Variants in SEMA3A observed in about 807,000 individuals in gnomAD.
SEMA3A encodes the protein semaphorin 3A.
In SEMA3A, 29 loss-of-function variants were observed where a neutral mutation model predicts 97.9. The observed-to-expected ratio is 0.30, with a 90% confidence interval of 0.22 to 0.40. SEMA3A has a LOEUF of 0.40. SEMA3A is among the 10% of genes least tolerant of loss of function. SEMA3A has a pLI of 1.00. For missense variants in SEMA3A, 763 were observed against 951.3 expected, an observed-to-expected ratio of 0.80 and a Z score of 2.60; for synonymous variants, 321 against 323.7, an observed-to-expected ratio of 0.99 and a Z score of 0.09.
intron 2 of SEMA3A, among the ~76,000 whole-genome samples, chr7:84,348,898 C>G (rs906299312): frequency 1.4e-5 from 2 of 144,632 alleles, no homozygotes; most frequent in African/African-American, 5.0e-5. Context: ...GCAGGAGAAT[C>G]GCTTGAAACC....
chr7:84,239,532 A>T (rs1799311764), intron 3 of SEMA3A, among the ~76,000 whole-genome samples: 1 of 150,712 alleles, frequency 6.6e-6, no homozygotes, highest in Admixed American at 6.6e-5. Context: ...AATTTTTGAG[A>T]GTCTTGTATA....
At chr7:84,268,207 A>G (rs1456284478) in intron 3 of SEMA3A, among the ~76,000 whole-genome samples, 1 of 151,338 alleles carries the variant, frequency 6.6e-6, no homozygotes, top group Non-Finnish European at 1.5e-5. Flanking sequence ...CGGAAGGGGC[A>G]CCAAACTGAG....
At chr7:84,138,174 A>G (rs1181232597) in intron 1 of SEMA3A, among the ~76,000 whole-genome samples, 1 of 152,152 alleles carries the variant, frequency 6.6e-6, no homozygotes, top group African/African-American at 2.4e-5. Context: ...GACCAGATGT[A>G]GCAAATTACA....
Position 84,211,914 on chromosome 7 carries a change from G to A in SEMA3A, c.-82-17246C>T, listed in dbSNP as rs114814699. On this transcript the variant is annotated intron_variant, in intron 3 of 3. Transcript: ENST00000424555. ...AGGACAGAACTCTGCATTGTGGTGA[G>A]GAACAGGTAAAAGAGTATAACTTTA... 4.5e-3 allele frequency among the ~76,000 whole-genome samples: 689 copies of A among 152,272 alleles called. 5 individuals carry two copies. Among genetic ancestry groups the A allele is most frequent in the African/African-American group, 0.016 (657 of 41,538 alleles).
intron 4 of SEMA3A, among the ~76,000 whole-genome samples, chr7:84,076,975 T>G (rs1793973757): frequency 6.6e-6 from 1 of 152,122 alleles, no homozygotes; most frequent in Non-Finnish European, 1.5e-5. Flanking sequence ...TTCATGTAGA[T>G]TATCTTTTTA....
intron 2 of SEMA3A, among the ~76,000 whole-genome samples, chr7:84,321,609 G>A (rs2115910236): frequency 6.6e-6 from 1 of 152,116 alleles, no homozygotes; most frequent in South Asian, 2.1e-4. Flanking sequence ...AATACCAGTG[G>A]CTCACGCCTG....
intron 1 of SEMA3A, among the ~76,000 whole-genome samples, chr7:84,153,087 T>C (rs1301866807): frequency 6.6e-6 from 1 of 152,184 alleles, no homozygotes; most frequent in Non-Finnish European, 1.5e-5. Context: ...TTTCACCTCA[T>C]TTAGTAAATC....
chr7:84,104,203 A>G (rs1051518620), intron 4 of SEMA3A, among the ~76,000 whole-genome samples: 1 of 152,164 alleles, frequency 6.6e-6, no homozygotes, highest in Admixed American at 6.5e-5. Flanking sequence ...CTTCGGCAGC[A>G]CATACACTAA....
At chr7:84,077,202 CAA>C (rs1338594312) in intron 4 of SEMA3A, among the ~76,000 whole-genome samples, 1 of 152,006 alleles carries the variant, frequency 6.6e-6, no homozygotes, top group East Asian at 1.9e-4. Flanking sequence ...CAATGGTCTA[CAA>C]AAAGTAAAGT....
chr7:84,146,087 C>T (rs1405132578), intron 1 of SEMA3A, among the ~76,000 whole-genome samples: 2 of 152,202 alleles, frequency 1.3e-5, no homozygotes, highest in African/African-American at 2.4e-5. Flanking sequence ...AATTAGCAGA[C>T]ATCTATCCTT....
chr7:84,348,242 G>T (rs994732207), intron 2 of SEMA3A, among the ~76,000 whole-genome samples: 2 of 152,062 alleles, frequency 1.3e-5, no homozygotes, highest in African/African-American at 4.8e-5. Context: ...ACATTTATAG[G>T]ATTTCTAATT....
rs1439675790 is a variant in SEMA3A, at chr7:84,134,877, C to T, written c.187G>A (p.Asp63Asn). The change falls in exon 2 of 17, where the codon GAT becomes AAT. Residue 63 changes from aspartate to asparagine, a missense_variant. Transcript: ENST00000265362. ...NSSSYHTFLL[D>N]EERSRLYVGA... is the part of the protein sequence containing the mutation. ...ACATACAGCCTACTCCGTTCCTCAT[C>T]CAAAAGGAAGGTATGATAACTGGAG... The T allele has an allele frequency of 6.2e-7, 1 of 1,613,870 alleles. No individual in the cohort carries two copies. Among genetic ancestry groups the T allele is most frequent in the Non-Finnish European group, 8.5e-7 (1 of 1,179,826 alleles).
chr7:84,261,729 G>C (rs953798407), intron 3 of SEMA3A, among the ~76,000 whole-genome samples: 6 of 152,320 alleles, frequency 3.9e-5, no homozygotes, highest in South Asian at 2.1e-4. Flanking sequence ...CTCTCCGCCT[G>C]GCTCGCCCTT....
Position 84,371,902 on chromosome 7 carries a change from T to C in SEMA3A, c.-245-2A>G, listed in dbSNP as rs1802986587. Reference sequence around the variant, plus strand: ...CCATGGATGGTTTTTTTAAATATTCTGGAAAGCAAAGCAAACAAATAATTT... The same window carrying C: ...CCATGGATGGTTTTTTTAAATATTCCGGAAAGCAAAGCAAACAAATAATTT... On this transcript the variant is annotated splice_acceptor_variant, in intron 1 of 3. Transcript: ENST00000424555. LOFTEE classifies it low-confidence loss of function (5UTR_SPLICE). 6.6e-6 allele frequency: 1 copy of C among 152,052 alleles called. No individual in the cohort carries two copies. The highest frequency in any genetic ancestry group is 2.4e-5 in the African/African-American group (1 of 41,414). 9.4% of individuals were successfully genotyped at this position (152,052 alleles called of 1,614,324 possible).
intron 3 of SEMA3A, among the ~76,000 whole-genome samples, chr7:84,216,545 T>C (rs564845596): frequency 7.9e-5 from 12 of 152,208 alleles, no homozygotes; most frequent in African/African-American, 2.9e-4. Flanking sequence ...ATTTTTTAGA[T>C]AGATTAAAAC....
Position 84,099,311 on chromosome 7 carries a change from CCGCCCGCCTCGGCCTCCCAA to C in SEMA3A, c.453+11139_453+11158del, listed in dbSNP as rs1314819031. The stretch of plus-strand genomic sequence containing the variant: ...GGTCTCGATCTCCTGACCTCGTGAT[CCGCCCGCCTCGGCCTCCCAA>C]AGTGCTGGGATTACAGGCGTGAGCC... On this transcript the variant is annotated intron_variant, in intron 4 of 16. Coordinates refer to ENST00000265362, the MANE Select transcript of SEMA3A (RefSeq NM_006080.3). 2.7e-5 allele frequency among the ~76,000 whole-genome samples: 4 copies of C among 146,714 alleles called. 2 individuals carry two copies. The highest frequency in any genetic ancestry group is 6.1e-5 in the Non-Finnish European group (4 of 65,552).
chr7:84,006,300 T>TA (rs1790663899), intron 10 of SEMA3A, among the ~76,000 whole-genome samples: 1 of 152,124 alleles, frequency 6.6e-6, no homozygotes, highest in Non-Finnish European at 1.5e-5. Context: ...AAAAACAATA[T>TA]AAACTATTCT....
chr7:84,054,181 A>G (rs1792830923), intron 5 of SEMA3A, among the ~76,000 whole-genome samples: 1 of 152,194 alleles, frequency 6.6e-6, no homozygotes, highest in East Asian at 1.9e-4. Context: ...GAATCTGACA[A>G]TTATGTGTCT....
chr7:84,132,924 C>T (rs150773044), intron 2 of SEMA3A, among the ~76,000 whole-genome samples: 3,214 of 152,140 alleles, frequency 0.021, 109 homozygotes, highest in African/African-American at 0.073. Context: ...ATCCACCCGC[C>T]TTGGCCTCCT....
Sources: allele counts gnomAD v4.1 joint callset (sites outside exome capture counted in the v4.1 genomes callset), GRCh38; gene constraint gnomAD v4.1.1; transcripts MANE v1.5; gene names NCBI Gene and HGNC (gene_info 2026-07-23, HGNC 2026-07-21).